Variants in C1orf226 observed in about 807,000 individuals in gnomAD.
C1orf226 encodes uncharacterized protein C1orf226.
A neutral mutation model predicts 10.5 loss-of-function variants in C1orf226; 4 were observed. That is an observed-to-expected ratio of 0.38 (90% CI 0.19 to 0.87). The LOEUF is 0.87. Ranked by LOEUF, C1orf226 falls within the 40% of genes least tolerant of loss-of-function variation. C1orf226 has a pLI of 0.41. For missense variants in C1orf226, 313 were observed against 336.2 expected (o/e 0.93, Z 0.54); for synonymous variants, 125 against 139.3 (o/e 0.90, Z 0.72).
chr1:162,382,944 G>C (rs1230757472), intron 1 of C1orf226, among the ~76,000 whole-genome samples: 1 of 152,238 alleles, frequency 6.6e-6, no homozygotes, highest in African/African-American at 2.4e-5. Flanking sequence ...CTGTCTTCTA[G>C]AGGCCAGCAC....
chr1:162,383,156 T>C lies in C1orf226; in HGVS notation c.318-26T>C, dbSNP rs767690419. The C allele has an allele frequency of 1.3e-5, 20 of 1,529,320 alleles. 1 individual carries two copies. Among genetic ancestry groups the C allele is most frequent in the East Asian group, 2.3e-5 (1 of 44,056 alleles). 94.7% of individuals were successfully genotyped at this position (1,529,320 alleles called of 1,614,324 possible). A position where few individuals can be genotyped will look rare whatever the true frequency, so the allele number is the denominator to read the frequency against. ...GGTGTCTTGCTGTCCTTAAGGCATG[T>C]GTGTTTATTGTCATTAACCTTACAG... On this transcript the variant is annotated intron_variant, in intron 1 of 1. Transcript: ENST00000458626.
upstream of C1orf226, among the ~76,000 whole-genome samples, chr1:162,379,456 A>G (rs1193237609): frequency 6.6e-6 from 1 of 152,202 alleles, no homozygotes; most frequent in African/African-American, 2.4e-5. Flanking sequence ...GCAATTTTTA[A>G]GAATTCATAT....
rs1488667553 is a variant in C1orf226 at position 162,383,558 on chromosome 1, T to C, written c.694T>C (p.Phe232Leu). 1.2e-6 allele frequency: 2 copies of C among 1,606,224 alleles called. No individual in the cohort carries two copies. The highest frequency in any genetic ancestry group is 2.2e-5 in the South Asian group (2 of 89,472). ...SSPSLIERNG[F>L]KLSLSPISLA... The stretch of plus-strand genomic sequence containing the variant: ...CCCCAGCCTTATCGAGAGGAATGGC[T>C]TCAAACTCAGCTTGAGCCCCATCAG... Residue 232 changes from phenylalanine (F) to leucine (L), a missense_variant, in exon 2 of 2, where the codon TTC (phenylalanine) becomes CTC (leucine). By Grantham distance (22) the Phe-to-Leu change is conservative (BLOSUM62 0). Coordinates refer to ENST00000458626, the MANE Select transcript of C1orf226 (RefSeq NM_001085375.2).
Position 162,386,136 on chromosome 1 carries a change from C to T in C1orf226, c.*2453C>T, listed in dbSNP as rs998571458. ...TGTTGCTGCTACCTCGGGAGGCTCTCTGAGACTGGTGTCTGGTCTTAGATG... is the reference window on the plus strand; with the variant it reads ...TGTTGCTGCTACCTCGGGAGGCTCTTTGAGACTGGTGTCTGGTCTTAGATG... On this transcript the variant is annotated 3_prime_UTR_variant, in exon 2 of 2. Transcript: ENST00000458626. 6.5e-6 allele frequency: 1 copy of T among 152,700 alleles called. No homozygotes were observed. Among genetic ancestry groups the T allele is most frequent in the Non-Finnish European group, 1.5e-5 (1 of 68,430 alleles). 9.5% of individuals were successfully genotyped at this position (152,700 alleles called of 1,614,324 possible).
At chr1:162,383,029 A>G (rs1123005) in intron 1 of C1orf226, among the ~76,000 whole-genome samples, 153 bp from the exon 2 acceptor site, 27,602 of 152,160 alleles carry the variant, frequency 0.18, 2,854 homozygotes, top group East Asian at 0.34. Flanking sequence ...GCTAAGGCCT[A>G]TGTGCCAAAC....
chr1:162,382,189 G>T lies in C1orf226; in HGVS notation c.288G>T (p.Ala96=), dbSNP rs771714599. 1 of 1,581,062 alleles carries T rather than the reference G, an allele frequency of 6.3e-7. No individual in the cohort carries two copies. Among genetic ancestry groups the T allele is most frequent in the Non-Finnish European group, 8.6e-7 (1 of 1,163,970 alleles). The change falls in exon 1 of 2, where the codon GCG becomes GCT. Residue 96 remains alanine (A), a synonymous_variant. Coordinates refer to ENST00000458626, the MANE Select transcript of C1orf226 (RefSeq NM_001085375.2). ...CACAGCTGGCCAGTGGGACTGACGC[G>T]GCTCCAGAGGCTTGGCTAGAGGATG... ...AGAQLASGTD[A]APEAWLEDER...
At chr1:162,382,656 T>A (rs562968939) in intron 1 of C1orf226, among the ~76,000 whole-genome samples, 1 of 152,244 alleles carries the variant, frequency 6.6e-6, no homozygotes, top group East Asian at 1.9e-4. Context: ...GCCCAGAAGG[T>A]CCCCAGGTAG....
Position 162,381,998 on chromosome 1 carries a change from C to G in C1orf226, c.97C>G (p.Leu33Val), listed in dbSNP as rs769624711. 5.1e-5 allele frequency: 83 copies of G among 1,612,626 alleles called. No individual in the cohort carries two copies. Among genetic ancestry groups the G allele is most frequent in the Non-Finnish European group, 6.9e-5 (81 of 1,179,788 alleles). Residue 33 changes from leucine to valine, a missense_variant, in exon 1 of 2, where the codon CTG becomes GTG. Coordinates refer to ENST00000458626, the MANE Select transcript of C1orf226 (RefSeq NM_001085375.2). Reference protein sequence around the residue: ...SKPVAPGSAPLGSGEPGGPGL... With the variant: ...SKPVAPGSAPVGSGEPGGPGL... The stretch of plus-strand genomic sequence containing the variant: ...GCCCGTGGCCCCCGGCTCTGCCCCT[C>G]TGGGCTCTGGTGAGCCTGGGGGGCC...
In C1orf226 at chr1:162,383,615, C is replaced by A. The variant is rs769021007; in HGVS notation, c.751C>A (p.Pro251Thr). 7 of 1,608,654 alleles carry A rather than the reference C, an allele frequency of 4.4e-6. No individual in the cohort carries two copies. The highest frequency in any genetic ancestry group is 5.9e-6 in the Non-Finnish European group (7 of 1,177,622). ...TGAGTCCTGGGAGGATGGCAGCCCC[C>A]CTCCTCAGGCACGGACCTCCAGCCT... Reference protein sequence around the residue: ...LAESWEDGSPPPQARTSSLDN... With the variant: ...LAESWEDGSPTPQARTSSLDN... The change falls in exon 2 of 2, where the codon CCT becomes ACT. Residue 251 changes from proline (P) to threonine (T), a missense_variant. By Grantham distance (38) the Pro-to-Thr change is conservative (BLOSUM62 -1). Transcript: ENST00000458626.
At chr1:162,381,003 C>T (rs1647885513), upstream of C1orf226, among the ~76,000 whole-genome samples, 1 of 152,142 alleles carries the variant, frequency 6.6e-6, no homozygotes, top group East Asian at 1.9e-4. Context: ...AAGAGGATCC[C>T]TACAAGAAGG....
At chr1:162,382,902 T>G (rs1251383268) in intron 1 of C1orf226, among the ~76,000 whole-genome samples, 2 of 152,278 alleles carry the variant, frequency 1.3e-5, no homozygotes, top group Non-Finnish European at 2.9e-5. Context: ...GCCTGGGTTC[T>G]GATTTGACAA....
In C1orf226 at chr1:162,383,841, C is replaced by T; in HGVS notation, c.*158C>T. 2 of 722,414 alleles carry T rather than the reference C, an allele frequency of 2.8e-6. No individual in the cohort carries two copies. Among genetic ancestry groups the T allele is most frequent in the South Asian group, 2.0e-5 (1 of 50,520 alleles). The allele number at this position is 722,414 out of a possible 1,614,324, so 44.8% of individuals were successfully genotyped here. A position where few individuals can be genotyped will look rare whatever the true frequency, so the allele number is the denominator to read the frequency against. ...TCGTCCATCATGGGATTTTGCAGGA[C>T]TGGAAGTCCTTGAGTAGTTCTAGTT... On this transcript the variant is annotated 3_prime_UTR_variant, in exon 2 of 2. Transcript: ENST00000458626.
In C1orf226 at chr1:162,383,772, TGTGCCC is replaced by T; in HGVS notation, c.*90_*95del. 1.5e-6 allele frequency: 2 copies of T among 1,331,462 alleles called. No individual in the cohort carries two copies. Among genetic ancestry groups the T allele is most frequent in the East Asian group, 2.5e-5 (1 of 40,644 alleles). 82.5% of individuals were successfully genotyped at this position (1,331,462 alleles called of 1,614,324 possible). On this transcript the variant is annotated 3_prime_UTR_variant, in exon 2 of 2. Coordinates refer to ENST00000458626, the MANE Select transcript of C1orf226 (RefSeq NM_001085375.2). Reference sequence around the variant, plus strand: ...ACACTGGCCCTGGCCTCAACTCCGCTGTGCCCTTTGTCTTCCTTGTATGAGGCACCA... The same window carrying T: ...ACACTGGCCCTGGCCTCAACTCCGCTTTTGTCTTCCTTGTATGAGGCACCA...
upstream of C1orf226, among the ~76,000 whole-genome samples, chr1:162,381,524 T>C (rs1647905303): frequency 6.6e-6 from 1 of 152,216 alleles, no homozygotes; most frequent in Non-Finnish European, 1.5e-5. Context: ...TACGGTGATG[T>C]AAAAATGTCA....
chr1:162,381,174 C>G (rs1647892749), upstream of C1orf226, among the ~76,000 whole-genome samples: 1 of 152,186 alleles, frequency 6.6e-6, no homozygotes, highest in Non-Finnish European at 1.5e-5. Flanking sequence ...TACGCGGAGT[C>G]CTGCAGGCTT....
intron 1 of C1orf226, 45 bp from the exon 2 acceptor site, chr1:162,383,137 T>C: frequency 6.6e-7 from 1 of 1,515,480 alleles, no homozygotes; most frequent in Non-Finnish European, 8.8e-7. Context: ...GATTGGTGTC[T>C]TGCTGTCCTT....
At chr1:162,379,188 C>A (rs374394958), upstream of C1orf226, among the ~76,000 whole-genome samples, 1 of 151,924 alleles carries the variant, frequency 6.6e-6, no homozygotes, top group Non-Finnish European at 1.5e-5. Flanking sequence ...ACCATCAAGC[C>A]TCTAGTCCTG....
Position 162,383,651 on chromosome 1 carries a change from G to T in C1orf226, c.787G>T (p.Gly263Cys), listed in dbSNP as rs760397357. The change falls in exon 2 of 2, where the codon GGC becomes TGC. Residue 263 changes from glycine to cysteine, a missense_variant. Physicochemically the swap from Gly to Cys is radical, Grantham distance 159. Transcript: ENST00000458626. ...QARTSSLDNE[G>C]PHPDLLSFE ...ACGGACCTCCAGCCTCGACAATGAG[G>T]GCCCTCACCCAGACCTGCTGTCCTT... 6.2e-7 allele frequency: 1 copy of T among 1,608,892 alleles called. No individual in the cohort carries two copies. Among genetic ancestry groups the T allele is most frequent in the African/African-American group, 1.3e-5 (1 of 74,976 alleles).
chr1:162,380,449 G>A (rs1288511243), upstream of C1orf226, among the ~76,000 whole-genome samples: 1 of 152,224 alleles, frequency 6.6e-6, no homozygotes, highest in African/African-American at 2.4e-5. Context: ...GCAGTGCAGG[G>A]CAGAAAGAAC....
Sources: gnomAD v4.1 joint callset for allele counts (sites outside exome capture counted in the v4.1 genomes callset) on GRCh38, gnomAD v4.1.1 for gene constraint, MANE v1.5 for transcripts, NCBI Gene and HGNC (gene_info 2026-07-23, HGNC 2026-07-21) for gene names.